MANSC4: variants seen among roughly 807,000 people sequenced by gnomAD.
MANSC4 encodes the protein MANSC domain containing 4.
Under a neutral mutation model 11.4 loss-of-function variants are expected in MANSC4, and 11 were observed. The observed-to-expected ratio is 0.97, with a 90% CI of 0.61 to 1.60. The LOEUF (loss-of-function observed/expected upper bound fraction) is 1.60, where lower values mean the gene tolerates loss of function less well. Ranked by LOEUF, MANSC4 falls within the 40% of genes most tolerant of loss-of-function variation. The pLI is 0.00. For synonymous variants in MANSC4, 123 were observed against 147.1 expected, an observed-to-expected ratio of 0.84 and a Z score of 1.19; for missense variants, 354 against 404.6, an observed-to-expected ratio of 0.88 and a Z score of 1.07.
chr12:27,774,214 A>T (rs2062111219), intron 1 of MANSC4, among the ~76,000 whole-genome samples: 1 of 152,174 alleles, frequency 6.6e-6, no homozygotes, highest in Non-Finnish European at 1.5e-5. Flanking sequence ...ATATTGAGGA[A>T]CTGAAAAAAC....
intron 3 of MANSC4, 127 bp from the exon 4 acceptor site, chr12:27,763,523 A>G (rs1261657852): frequency 1.1e-5 from 8 of 747,528 alleles, no homozygotes; most frequent in Admixed American, 3.0e-5. Flanking sequence ...TTCACGTTCT[A>G]CTACCACATA....
intron 1 of MANSC4, among the ~76,000 whole-genome samples, chr12:27,776,466 A>AT (rs2062120224): frequency 1.3e-5 from 2 of 152,178 alleles, no homozygotes; most frequent in African/African-American, 4.8e-5. Context: ...GTGGTGGCTC[A>AT]TACCTGTAAT....
chr12:27,772,744 G>C (rs10842978), intron 1 of MANSC4, among the ~76,000 whole-genome samples: 24,907 of 152,184 alleles, frequency 0.16, 2,542 homozygotes, highest in Non-Finnish European at 0.23. Flanking sequence ...ATAGGGAAGA[G>C]AGGTTTTATA....
chr12:27,763,312 C>T lies in MANSC4; in HGVS notation c.449G>A (p.Arg150Lys). The change falls in exon 4 of 4, where the codon AGG (arginine) becomes AAG (lysine). Residue 150 changes from arginine to lysine, a missense_variant. By Grantham distance (26) the Arg-to-Lys change is conservative. Transcript: ENST00000381273. ...RSSSNRWDRL[R>K]ILKAMNLDKQ... is the part of the protein sequence containing the mutation. Reference sequence around the variant, plus strand: ...ATCTAAATTCATAGCTTTTAGAATCCTTAGTCTGTCCCATCTATTGGATGA... The same window carrying T: ...ATCTAAATTCATAGCTTTTAGAATCTTTAGTCTGTCCCATCTATTGGATGA... The T allele has an allele frequency of 6.4e-7, 1 of 1,551,720 alleles. No individual in the cohort carries two copies.
chr12:27,773,608 A>G (rs925020775), intron 1 of MANSC4, among the ~76,000 whole-genome samples: 1 of 152,256 alleles, frequency 6.6e-6, no homozygotes, highest in Non-Finnish European at 1.5e-5. Context: ...AAGTCACGAC[A>G]GCCTGATTCA....
intron 1 of MANSC4, among the ~76,000 whole-genome samples, chr12:27,776,323 T>C (rs1214655343): frequency 6.6e-6 from 1 of 152,212 alleles, no homozygotes; most frequent in African/African-American, 2.4e-5. Context: ...ATACATTATG[T>C]TGTTTTCCAA....
Position 27,762,496 on chromosome 12 carries a change from C to T in MANSC4, c.*242G>A, listed in dbSNP as rs1257648330. On this transcript the variant is annotated 3_prime_UTR_variant, in exon 4 of 4. Transcript: ENST00000381273. The stretch of plus-strand genomic sequence containing the variant: ...AGCTGGGACCACAGGTGCATCATAT[C>T]GCCCCATGTGCTTTTTTTAAATTAT... 1.3e-5 allele frequency among the ~76,000 whole-genome samples: 2 copies of T among 151,778 alleles called. No individual in the cohort carries two copies. The highest frequency in any genetic ancestry group is 2.9e-5 in the Non-Finnish European group (2 of 67,958).
intron 1 of MANSC4, among the ~76,000 whole-genome samples, chr12:27,778,565 T>TAA (rs529580080): frequency 2.8e-5 from 4 of 142,886 alleles, no homozygotes; most frequent in Non-Finnish European, 4.7e-5. Context: ...CTTGTAATAA[T>TAA]AAAAAAAAAA....
chr12:27,777,264 A>G (rs2062122506), intron 1 of MANSC4, among the ~76,000 whole-genome samples: 1 of 152,232 alleles, frequency 6.6e-6, no homozygotes, highest in Non-Finnish European at 1.5e-5. Flanking sequence ...TCTGAGGCAT[A>G]TCTATGACGG....
intron 2 of MANSC4, among the ~76,000 whole-genome samples, chr12:27,770,489 T>TA (rs1425466918): frequency 6.6e-6 from 1 of 151,486 alleles, no homozygotes; most frequent in Non-Finnish European, 1.5e-5. Context: ...CCCAGCACAT[T>TA]AAAAAAAATT....
intron 3 of MANSC4, among the ~76,000 whole-genome samples, chr12:27,764,175 C>T (rs1361873494): frequency 1.3e-5 from 2 of 152,172 alleles, no homozygotes; most frequent in African/African-American, 2.4e-5. Flanking sequence ...CCCTTGTATA[C>T]TAACTCCTTT....
At position 27,763,198 on chromosome 12, in the gene MANSC4, C is replaced by G. The variant is rs182732478; in HGVS notation, c.563G>C (p.Ser188Thr). ...GGTTAATTCCTTAGAATAACTGGTA[C>G]TGTTTGTGTTTACAACCAAATCTTG... is the stretch of plus-strand genomic sequence containing the variant. ...THQDLVVNTN[S>T]TSYSKELTTD... The change falls in exon 4 of 4, where the codon AGT becomes ACT. Residue 188 changes from serine to threonine, a missense_variant. Ser to Thr is a moderately conservative substitution (Grantham distance 58). Transcript: ENST00000381273. The G allele has an allele frequency of 1.3e-6, 2 of 1,551,700 alleles. No individual in the cohort carries two copies. The highest frequency in any genetic ancestry group is 1.7e-6 in the Non-Finnish European group (2 of 1,147,004).
intron 3 of MANSC4, among the ~76,000 whole-genome samples, chr12:27,764,664 C>T (rs2062064009): frequency 6.6e-6 from 1 of 152,102 alleles, no homozygotes; most frequent in Non-Finnish European, 1.5e-5. Flanking sequence ...AAACCCATAT[C>T]AGTATGTTTT....
chr12:27,763,087 C>T lies in MANSC4; in HGVS notation c.674G>A (p.Ser225Asn). The change falls in exon 4 of 4, where the codon AGC (serine) becomes AAC (asparagine). Residue 225 changes from serine (S) to asparagine (N), a missense_variant. Physicochemically the swap from Ser to Asn is conservative, Grantham distance 46 (BLOSUM62 1). Transcript: ENST00000381273. ...NKVSPSTDFI[S>N]NPDNKTISPF... ...AGAAATAGTCTTATTATCTGGATTG[C>T]TGATGAAATCAGTACTTGGTGACAC... The T allele has an allele frequency of 6.4e-7, 1 of 1,551,694 alleles. No individual in the cohort carries two copies. The highest frequency in any genetic ancestry group is 1.2e-5 in the South Asian group (1 of 84,056).
At chr12:27,777,575 G>A (rs1344156146) in intron 1 of MANSC4, among the ~76,000 whole-genome samples, 1 of 152,222 alleles carries the variant, frequency 6.6e-6, no homozygotes, top group Admixed American at 6.5e-5. Context: ...ATGGAAGTGT[G>A]AAGGGTTGAT....
intron 3 of MANSC4, among the ~76,000 whole-genome samples, chr12:27,765,325 AC>A (rs1325539986): frequency 6.6e-6 from 1 of 152,158 alleles, no homozygotes; most frequent in African/African-American, 2.4e-5. Flanking sequence ...ATTTTCCTGG[AC>A]TAGGACAAAT....
chr12:27,780,165 A>T lies in MANSC4; in HGVS notation c.-307+45T>A. 3.2e-6 allele frequency: 1 copy of T among 310,060 alleles called. No homozygotes were observed. Among genetic ancestry groups the T allele is most frequent in the Non-Finnish European group, 5.3e-6 (1 of 187,428 alleles). 19.2% of individuals were successfully genotyped at this position (310,060 alleles called of 1,614,324 possible). Reference sequence around the variant, plus strand: ...CCGCCTCGCGGGAGCGGGCCCCGGGAGGAGGGGCCGCCGGAGAGGCCGGGC... The same window carrying T: ...CCGCCTCGCGGGAGCGGGCCCCGGGTGGAGGGGCCGCCGGAGAGGCCGGGC... On this transcript the variant is annotated intron_variant, in intron 1 of 3. Transcript: ENST00000381273. The surrounding 1 kb of genome is among the most constrained non-coding windows in gnomAD (Gnocchi z 8.8).
chr12:27,778,336 G>A (rs776510783), intron 1 of MANSC4, among the ~76,000 whole-genome samples: 5 of 151,742 alleles, frequency 3.3e-5, no homozygotes, highest in Non-Finnish European at 5.9e-5. Context: ...TCTCTGTGAA[G>A]CAGATAAATT....
Position 27,763,095 on chromosome 12 carries a change from A to G in MANSC4, c.666T>C (p.Asp222=). Residue 222 remains aspartate (D), a synonymous_variant, in exon 4 of 4, where the codon GAT becomes GAC. Coordinates refer to ENST00000381273, the MANE Select transcript of MANSC4 (RefSeq NM_001146221.5). ...TCTTATTATCTGGATTGCTGATGAA[A>G]TCAGTACTTGGTGACACCTTATTTA... ...TKINKVSPST[D]FISNPDNKTI... 6.4e-7 allele frequency: 1 copy of G among 1,551,748 alleles called. No individual in the cohort carries two copies. Among genetic ancestry groups the G allele is most frequent in the Non-Finnish European group, 8.7e-7 (1 of 1,147,002 alleles).
Sources: gnomAD v4.1 joint callset for allele counts (sites outside exome capture counted in the v4.1 genomes callset) on GRCh38, gnomAD v4.1.1 for gene constraint, Gnocchi (gnomAD v3.1) non-coding constraint, MANE v1.5 for transcripts, NCBI Gene and HGNC (gene_info 2026-07-23, HGNC 2026-07-21) for gene names.